Variants in CERKL observed in about 807,000 individuals in gnomAD.
CERKL encodes CERK like autophagy regulator.
CERKL carries 61 observed loss-of-function variants against 63.4 expected under a neutral mutation model. That is an observed-to-expected ratio of 0.96 (90% CI 0.78 to 1.19). CERKL has a LOEUF of 1.19. CERKL is among the 50% of genes most tolerant of loss of function. CERKL has a pLI of 0.00. For missense variants in CERKL, 675 were observed against 655.5 expected (o/e 1.03, Z -0.33); for synonymous variants, 250 against 230.5 (o/e 1.08, Z -0.77).
chr2:181,568,715 AG>A (rs1244101352), intron 3 of CERKL, among the ~76,000 whole-genome samples: 18 of 139,252 alleles, frequency 1.3e-4, no homozygotes. Flanking sequence ...TTTAAGTTTT[AG>A]GGTACATGTG....
chr2:181,576,249 G>A (rs939764213), intron 2 of CERKL, among the ~76,000 whole-genome samples: 2 of 152,138 alleles, frequency 1.3e-5, no homozygotes, highest in African/African-American at 4.8e-5. Context: ...AATAATTACT[G>A]ATTCAGGTAA....
At chr2:181,559,744 G>A (rs1688359257) in intron 4 of CERKL, among the ~76,000 whole-genome samples, 1 of 152,144 alleles carries the variant, frequency 6.6e-6, no homozygotes, top group Non-Finnish European at 1.5e-5. Context: ...AGTAGTTACT[G>A]GTTCTCTAAG....
At chr2:181,541,778 A>G (rs1687516305) in intron 11 of CERKL, among the ~76,000 whole-genome samples, 1 of 152,186 alleles carries the variant, frequency 6.6e-6, no homozygotes, top group Non-Finnish European at 1.5e-5. Context: ...GGTAGTGAGG[A>G]ATGAGGAAGA....
intron 1 of CERKL, among the ~76,000 whole-genome samples, chr2:181,616,889 C>T (rs2105912290): frequency 6.6e-6 from 1 of 152,236 alleles, no homozygotes; most frequent in Non-Finnish European, 1.5e-5. Flanking sequence ...CTTTTCAGTG[C>T]TTATGATAAA....
chr2:181,547,961 TTAAA>T (rs1490822839), intron 8 of CERKL, 114 bp from the exon 9 acceptor site: 20 of 1,022,988 alleles, frequency 2.0e-5, no homozygotes, highest in Non-Finnish European at 2.5e-5. Flanking sequence ...ATTATATATG[TTAAA>T]TACTTTCTTC....
intron 11 of CERKL, among the ~76,000 whole-genome samples, chr2:181,541,654 C>A (rs999291391): frequency 6.6e-6 from 1 of 152,078 alleles, no homozygotes; most frequent in South Asian, 2.1e-4. Context: ...GACCAGAGAA[C>A]CTGAAGGCCA....
intron 1 of CERKL, among the ~76,000 whole-genome samples, chr2:181,635,510 A>G (rs1270191794): frequency 6.6e-6 from 1 of 152,168 alleles, no homozygotes; most frequent in African/African-American, 2.4e-5. Flanking sequence ...ATAAGTTTTT[A>G]TCTGTATGAT....
At chr2:181,576,701 A>G (rs1684240412) in intron 2 of CERKL, among the ~76,000 whole-genome samples, 1 of 152,246 alleles carries the variant, frequency 6.6e-6, no homozygotes, top group African/African-American at 2.4e-5. Context: ...AACAGTTGCA[A>G]TACTCCAGGT....
chr2:181,609,546 A>AAAAAAAAT (rs1685872820), intron 1 of CERKL, among the ~76,000 whole-genome samples: 1 of 147,506 alleles, frequency 6.8e-6, no homozygotes, highest in African/African-American at 2.5e-5. Context: ...AAAAAAAAAA[A>AAAAAAAAT]AAAAAAAAAA....
chr2:181,571,683 T>C (rs58845802), intron 3 of CERKL, among the ~76,000 whole-genome samples: 1 of 152,082 alleles, frequency 6.6e-6, no homozygotes, highest in Non-Finnish European at 1.5e-5. Context: ...GTATACATTG[T>C]TGAGAGCCTT....
At chr2:181,560,303 C>G (rs2105823207) in intron 4 of CERKL, among the ~76,000 whole-genome samples, 1 of 152,198 alleles carries the variant, frequency 6.6e-6, no homozygotes, top group South Asian at 2.1e-4. Flanking sequence ...ATAACTTGAC[C>G]CTTACATACA....
At chr2:181,602,871 ACAAG>A (rs776376914) in intron 2 of CERKL, among the ~76,000 whole-genome samples, 3 of 152,216 alleles carry the variant, frequency 2.0e-5, no homozygotes, top group Non-Finnish European at 2.9e-5. Context: ...TAACAGAAAA[ACAAG>A]CAAGATTCAT....
At chr2:181,571,609 C>T (rs1362046317) in intron 3 of CERKL, among the ~76,000 whole-genome samples, 1 of 152,038 alleles carries the variant, frequency 6.6e-6, no homozygotes, top group Admixed American at 6.6e-5. Flanking sequence ...GATCAATACA[C>T]GATGAGTAAA....
At position 181,549,718 on chromosome 2, in the gene CERKL, C is replaced by A. The variant is rs2105805736; in HGVS notation, c.821-10G>T. 1 of 1,600,514 alleles carries A rather than the reference C, an allele frequency of 6.2e-7. No homozygotes were observed. Among genetic ancestry groups the A allele is most frequent in the Non-Finnish European group, 8.6e-7 (1 of 1,167,978 alleles). On this transcript the variant is annotated splice_polypyrimidine_tract_variant and intron_variant, in intron 5 of 12. Transcript: ENST00000410087. ...AATACATTGGTAGATCCTGCCAAAG[C>A]AATTTTAAAACATGCACTATTAGGG...
At chr2:181,608,963 T>C (rs577350476) in intron 1 of CERKL, among the ~76,000 whole-genome samples, 25 of 152,338 alleles carry the variant, frequency 1.6e-4, no homozygotes, top group African/African-American at 6.0e-4. Context: ...TAGCATATTA[T>C]ATCTAGGAAT....
At chr2:181,579,227 T>C (rs1266463887) in intron 2 of CERKL, among the ~76,000 whole-genome samples, 2 of 151,936 alleles carry the variant, frequency 1.3e-5, no homozygotes, top group Admixed American at 6.5e-5. Context: ...AATTTTTCTC[T>C]TATTACTACC....
chr2:181,581,261 C>T (rs1684499088), intron 2 of CERKL, among the ~76,000 whole-genome samples: 1 of 152,134 alleles, frequency 6.6e-6, no homozygotes, highest in Non-Finnish European at 1.5e-5. Context: ...CACACTAAAA[C>T]CTCAGTGTGT....
In CERKL at chr2:181,586,934, C is replaced by A. The variant is rs80137533; in HGVS notation, c.482-13050G>T. 7.9e-3 allele frequency among the ~76,000 whole-genome samples: 1,201 copies of A among 152,280 alleles called. 17 individuals carry two copies. Among genetic ancestry groups the A allele is most frequent in the African/African-American group, 0.027 (1,128 of 41,544 alleles). On this transcript the variant is annotated intron_variant, in intron 2 of 12. Coordinates refer to ENST00000410087, the MANE Select transcript of CERKL (RefSeq NM_201548.5). The stretch of plus-strand genomic sequence containing the variant: ...TGTGTATATTCACCACTATTTTACA[C>A]AGAAAAGCAACCAAGTTGTTGCAAA...
chr2:181,562,082 G>T lies in CERKL; in HGVS notation c.678-3374C>A, dbSNP rs138232078. 5.5e-3 allele frequency among the ~76,000 whole-genome samples: 830 copies of T among 152,254 alleles called. 7 individuals carry two copies. The highest frequency in any genetic ancestry group is 0.018 in the African/African-American group (757 of 41,544). ...CCCCTCTTCAGCCTTCTAAAGAGCT[G>T]GGATTACAGGTGTGAGCCACTGCTA... is the stretch of plus-strand genomic sequence containing the variant. On this transcript the variant is annotated intron_variant, in intron 4 of 12. Coordinates refer to ENST00000410087, the MANE Select transcript of CERKL (RefSeq NM_201548.5).
Sources: gnomAD v4.1 joint callset for allele counts (sites outside exome capture counted in the v4.1 genomes callset) on GRCh38, gnomAD v4.1.1 for gene constraint, MANE v1.5 for transcripts, NCBI Gene and HGNC (gene_info 2026-07-23, HGNC 2026-07-21) for gene names.